Variants in CDH13 observed in about 807,000 individuals in gnomAD.
CDH13 encodes cadherin-13.
In CDH13, 24 loss-of-function variants were observed where a neutral mutation model predicts 63.8. That is an observed-to-expected ratio of 0.38 (90% CI 0.27 to 0.53). The LOEUF (loss-of-function observed/expected upper bound fraction) is 0.53, where lower values mean the gene tolerates loss of function less well. Among genes scored for constraint, CDH13 ranks in the 20% least tolerant of loss-of-function variants. The pLI is 0.85. For missense variants in CDH13, 1,049 were observed against 903.1 expected (o/e 1.16, Z -2.07); for synonymous variants, 503 against 355.3 (o/e 1.42, Z -4.67).
At chr16:82,819,733 G>T (rs1302852346) in intron 1 of CDH13, among the ~76,000 whole-genome samples, 1 of 152,188 alleles carries the variant, frequency 6.6e-6, no homozygotes, top group Admixed American at 6.5e-5. Context: ...AAAATGTATT[G>T]AATGCCTATG....
chr16:83,550,962 TC>T (rs1405397479), intron 7 of CDH13, among the ~76,000 whole-genome samples: 1 of 152,150 alleles, frequency 6.6e-6, no homozygotes, highest in African/African-American at 2.4e-5. Flanking sequence ...TTCTCCCTTG[TC>T]TTCTTTCTCT....
chr16:82,854,196 G>T lies in CDH13; in HGVS notation c.46-4166G>T, dbSNP rs143180046. 3.8e-3 allele frequency among the ~76,000 whole-genome samples: 576 copies of T among 152,168 alleles called. 6 individuals carry two copies. The highest frequency in any genetic ancestry group is 0.02 in the Middle Eastern group (6 of 294). Reference sequence around the variant, plus strand: ...AGGCGGATCACGAGGTCAGGATATCGAGACCACCCTGGCCAACATGTTGAA... The same window carrying T: ...AGGCGGATCACGAGGTCAGGATATCTAGACCACCCTGGCCAACATGTTGAA... On this transcript the variant is annotated intron_variant, in intron 1 of 13. Coordinates refer to ENST00000567109, the MANE Select transcript of CDH13 (RefSeq NM_001257.5).
chr16:83,243,007 G>T (rs1462486364), intron 5 of CDH13, among the ~76,000 whole-genome samples: 7 of 152,082 alleles, frequency 4.6e-5, no homozygotes, highest in African/African-American at 1.7e-4. Flanking sequence ...ATTTTCATTT[G>T]AATGTTGAGG....
At chr16:82,931,324 A>T (rs781038040) in intron 2 of CDH13, among the ~76,000 whole-genome samples, 1 of 152,208 alleles carries the variant, frequency 6.6e-6, no homozygotes, top group Non-Finnish European at 1.5e-5. Flanking sequence ...AAATGGTTAG[A>T]ATCACTGCTA....
intron 1 of CDH13, among the ~76,000 whole-genome samples, chr16:82,835,864 G>A (rs888125552): frequency 2.0e-5 from 3 of 152,162 alleles, no homozygotes; most frequent in African/African-American, 7.2e-5. Flanking sequence ...ACAATAAAAT[G>A]AATGTATGTC....
intron 2 of CDH13, among the ~76,000 whole-genome samples, chr16:83,022,307 A>G (rs1915416925): frequency 6.6e-6 from 1 of 152,230 alleles, no homozygotes. Flanking sequence ...TTTTCCAAGT[A>G]GGCAAGGAAT....
intron 10 of CDH13, among the ~76,000 whole-genome samples, chr16:83,728,263 C>T (rs1259264620): frequency 6.6e-6 from 1 of 151,958 alleles, no homozygotes; most frequent in African/African-American, 2.4e-5. Context: ...GGGCTGACCC[C>T]ACAAGCCTGT....
chr16:83,090,573 C>CAA (rs372312398), intron 3 of CDH13, among the ~76,000 whole-genome samples: 42,871 of 129,624 alleles, frequency 0.33, 7,813 homozygotes, highest in Middle Eastern at 0.53. Flanking sequence ...AACTGCATCT[C>CAA]AAAAAAAAAA....
intron 3 of CDH13, among the ~76,000 whole-genome samples, chr16:83,115,690 G>A (rs113050539): frequency 0.024 from 3,676 of 152,300 alleles, 141 homozygotes; most frequent in African/African-American, 0.083. Flanking sequence ...CCTGGAAGAC[G>A]TATTTCAGCT....
At chr16:83,499,835 T>C (rs575832944) in intron 7 of CDH13, among the ~76,000 whole-genome samples, 43 of 152,236 alleles carry the variant, frequency 2.8e-4, no homozygotes, top group African/African-American at 9.6e-4. Context: ...GAAGTCTCGC[T>C]ATTATTGCTC....
chr16:83,663,869 A>T (rs1194797351), intron 8 of CDH13, among the ~76,000 whole-genome samples: 1 of 152,124 alleles, frequency 6.6e-6, no homozygotes, highest in Non-Finnish European at 1.5e-5. Flanking sequence ...TCAGATAAAG[A>T]GAGGAGAAGG....
chr16:82,932,856 C>T (rs950517151), intron 2 of CDH13, among the ~76,000 whole-genome samples: 5 of 152,028 alleles, frequency 3.3e-5, no homozygotes, highest in African/African-American at 1.2e-4. Context: ...GTACTTGATT[C>T]TAAACAATGA....
intron 5 of CDH13, among the ~76,000 whole-genome samples, chr16:83,326,792 G>T (rs1323812562): frequency 6.6e-6 from 1 of 152,218 alleles, no homozygotes; most frequent in Non-Finnish European, 1.5e-5. Flanking sequence ...TGCCAGGAGA[G>T]TCTAGAGGTC....
At chr16:83,418,690 A>AAGAG (rs72075939) in intron 6 of CDH13, among the ~76,000 whole-genome samples, 2 of 150,950 alleles carry the variant, frequency 1.3e-5, no homozygotes, top group African/African-American at 2.4e-5. Flanking sequence ...AGTTTTAGCA[A>AAGAG]AGAGAGAGAG....
chr16:83,497,633 C>T (rs996770524), intron 7 of CDH13, among the ~76,000 whole-genome samples: 1 of 151,684 alleles, frequency 6.6e-6, no homozygotes. Context: ...GCACAATGTG[C>T]ACATGTACCC....
intron 1 of CDH13, among the ~76,000 whole-genome samples, chr16:82,833,895 C>G (rs117000010): frequency 0.014 from 2,201 of 152,248 alleles, 27 homozygotes; most frequent in Non-Finnish European, 0.021. Context: ...AGAGCAGATG[C>G]ATAATAATGC....
intron 5 of CDH13, among the ~76,000 whole-genome samples, chr16:83,264,508 G>T (rs73593983): frequency 0.013 from 1,974 of 151,140 alleles, 35 homozygotes; most frequent in African/African-American, 0.045. Flanking sequence ...ACACATGTAT[G>T]TGTGTGTATA....
At chr16:83,379,950 G>GAGAA (rs2091532048) in intron 6 of CDH13, among the ~76,000 whole-genome samples, 1 of 142,800 alleles carries the variant, frequency 7.0e-6, no homozygotes, top group Non-Finnish European at 1.5e-5. Context: ...GAGAGAGAGA[G>GAGAA]AGAGAGAGAG....
chr16:83,420,093 C>T (rs570282463), intron 6 of CDH13, among the ~76,000 whole-genome samples: 14 of 151,942 alleles, frequency 9.2e-5, no homozygotes, highest in Admixed American at 2.6e-4. Flanking sequence ...AAAAGATGAG[C>T]AGAATAAAAA....
Sources: allele counts gnomAD v4.1 joint callset (sites outside exome capture counted in the v4.1 genomes callset), GRCh38; gene constraint gnomAD v4.1.1; transcripts MANE v1.5; gene names NCBI Gene and HGNC (gene_info 2026-07-23, HGNC 2026-07-21).